Variants in ANKRD44 observed in about 807,000 individuals in gnomAD.
ANKRD44 encodes the protein serine/threonine-protein phosphatase 6 regulatory ankyrin repeat subunit B.
A neutral mutation model predicts 116.0 loss-of-function variants in ANKRD44; 35 were observed. The ratio of observed to expected loss-of-function variants is 0.30; its 90% CI spans 0.23 to 0.40. The LOEUF is 0.40. Ranked by LOEUF, ANKRD44 falls within the 10% of genes least tolerant of loss-of-function variation. The pLI is 1.00. For synonymous variants in ANKRD44, 435 were observed against 461.8 expected (o/e 0.94, Z 0.74); for missense variants, 1,014 against 1,242.6 (o/e 0.82, Z 2.77).
chr2:197,186,150 GA>G (rs2080652540), intron 2 of ANKRD44, among the ~76,000 whole-genome samples: 1 of 152,098 alleles, frequency 6.6e-6, no homozygotes, highest in Non-Finnish European at 1.5e-5. Context: ...GAGGCCTGCA[GA>G]AAAAAATGTA....
intron 2 of ANKRD44, among the ~76,000 whole-genome samples, chr2:197,150,540 C>T (rs912968125): frequency 6.6e-6 from 1 of 151,842 alleles, no homozygotes; most frequent in Non-Finnish European, 1.5e-5. Flanking sequence ...CAGAGCGAGA[C>T]TCCATCTCAA....
intron 1 of ANKRD44, among the ~76,000 whole-genome samples, chr2:197,218,911 C>A (rs1415810915): frequency 6.6e-6 from 1 of 151,310 alleles, no homozygotes; most frequent in East Asian, 1.9e-4. Context: ...AGGCACCCAC[C>A]ACCACGCCCA....
At chr2:197,008,169 T>C (rs1484737949) in intron 19 of ANKRD44, among the ~76,000 whole-genome samples, 1 of 152,186 alleles carries the variant, frequency 6.6e-6, no homozygotes, top group African/African-American at 2.4e-5. Context: ...AAGCTTCCTT[T>C]TCAAAATATT....
In ANKRD44 at chr2:197,026,963, C is replaced by A. The variant is rs74717556; in HGVS notation, c.1651-1696G>T. 4.4e-3 allele frequency among the ~76,000 whole-genome samples: 674 copies of A among 151,942 alleles called. 6 individuals carry two copies. The highest frequency in any genetic ancestry group is 0.016 in the African/African-American group (650 of 41,442). On this transcript the variant is annotated intron_variant, in intron 16 of 27. Transcript: ENST00000282272. Reference sequence around the variant, plus strand: ...CTAAGCAAACGGAAACATGAAGGTACCATGACCTGAGATGAAGAAGGCTGT... The same window carrying A: ...CTAAGCAAACGGAAACATGAAGGTAACATGACCTGAGATGAAGAAGGCTGT...
chr2:197,023,911 A>T (rs2076543221), intron 17 of ANKRD44, among the ~76,000 whole-genome samples: 1 of 152,202 alleles, frequency 6.6e-6, no homozygotes, highest in Non-Finnish European at 1.5e-5. Flanking sequence ...ACACAGACTG[A>T]TGCACACTTT....
intron 1 of ANKRD44, among the ~76,000 whole-genome samples, chr2:197,199,897 C>T (rs1031749421): frequency 6.6e-6 from 1 of 152,154 alleles, no homozygotes; most frequent in African/African-American, 2.4e-5. Flanking sequence ...TATTCCCCTT[C>T]GAATGGGCAT....
chr2:197,062,216 G>T (rs1223539348), intron 16 of ANKRD44, among the ~76,000 whole-genome samples: 1 of 152,170 alleles, frequency 6.6e-6, no homozygotes, highest in African/African-American at 2.4e-5. Context: ...TTGTCCTAAT[G>T]GTCTGCCAGG....
intron 2 of ANKRD44, among the ~76,000 whole-genome samples, chr2:197,152,549 G>A (rs1402718092): frequency 6.6e-6 from 1 of 152,174 alleles, no homozygotes; most frequent in African/African-American, 2.4e-5. Context: ...AGGGGTCTGA[G>A]CTAAATTTGC....
intron 21 of ANKRD44, among the ~76,000 whole-genome samples, chr2:196,969,806 T>A (rs368242802): frequency 6.6e-6 from 1 of 152,200 alleles, no homozygotes; most frequent in South Asian, 2.1e-4. Context: ...TTAATAGTGT[T>A]CAGAACCAGC....
intron 1 of ANKRD44, among the ~76,000 whole-genome samples, chr2:197,287,164 G>C (rs1296967308): frequency 6.6e-6 from 1 of 152,164 alleles, no homozygotes; most frequent in African/African-American, 2.4e-5. Context: ...TGGTGACAGT[G>C]GGAGAGGCTG....
chr2:197,275,322 C>T (rs1286280439), intron 1 of ANKRD44, among the ~76,000 whole-genome samples: 2 of 151,270 alleles, frequency 1.3e-5, no homozygotes, highest in Non-Finnish European at 2.9e-5. Context: ...ACTATGTTGC[C>T]CAGGCTGGTC....
At chr2:196,981,220 C>T (rs912114968) in intron 21 of ANKRD44, among the ~76,000 whole-genome samples, 6 of 152,230 alleles carry the variant, frequency 3.9e-5, no homozygotes, top group African/African-American at 1.4e-4. Flanking sequence ...CATGTTTTCA[C>T]TTTCTTCCTT....
intron 6 of ANKRD44, among the ~76,000 whole-genome samples, chr2:197,125,009 A>G (rs1376771930): frequency 6.6e-6 from 1 of 152,230 alleles, no homozygotes; most frequent in African/African-American, 2.4e-5. Flanking sequence ...AAATTTAAAA[A>G]GACGAATGGA....
chr2:197,305,618 A>G (rs7582736), intron 1 of ANKRD44, among the ~76,000 whole-genome samples: 44,509 of 151,998 alleles, frequency 0.29, 7,618 homozygotes, highest in East Asian at 0.47. Context: ...AAAGAAAGAA[A>G]GAAAGAAAAG....
chr2:197,016,264 G>A (rs1432789942), intron 17 of ANKRD44, among the ~76,000 whole-genome samples: 1 of 152,130 alleles, frequency 6.6e-6, no homozygotes, highest in African/African-American at 2.4e-5. Flanking sequence ...CCATTTAGAT[G>A]TACATTCCTG....
Position 197,000,506 on chromosome 2 carries a change from A to T in ANKRD44, c.2436-4T>A. ...ACAATTCCCATGATCATTGATTCTA[A>T]AATGAAAATGGGTTTTAATGTAACA... On this transcript the variant is annotated splice_polypyrimidine_tract_variant and splice_region_variant and intron_variant, in intron 22 of 27. Coordinates refer to ENST00000282272, the MANE Select transcript of ANKRD44 (RefSeq NM_001195144.2). 1 of 1,612,480 alleles carries T rather than the reference A, an allele frequency of 6.2e-7. No individual in the cohort carries two copies. The highest frequency in any genetic ancestry group is 2.2e-5 in the East Asian group (1 of 44,856).
At chr2:197,019,273 G>A (rs757689055) in intron 17 of ANKRD44, among the ~76,000 whole-genome samples, 1 of 152,150 alleles carries the variant, frequency 6.6e-6, no homozygotes, top group Non-Finnish European at 1.5e-5. Context: ...ACAGGAGAAT[G>A]CATTTCTAAA....
chr2:197,017,130 G>T (rs2076407331), intron 17 of ANKRD44, among the ~76,000 whole-genome samples: 1 of 152,216 alleles, frequency 6.6e-6, no homozygotes, highest in Non-Finnish European at 1.5e-5. Flanking sequence ...CTCTGTTGGT[G>T]AGAGTATAGA....
chr2:197,012,259 A>G (rs1220092190), intron 18 of ANKRD44, among the ~76,000 whole-genome samples: 1 of 152,160 alleles, frequency 6.6e-6, no homozygotes. Flanking sequence ...ACCACAACCC[A>G]TATCACACTG....
Sources: gnomAD v4.1 joint callset for allele counts (sites outside exome capture counted in the v4.1 genomes callset) on GRCh38, gnomAD v4.1.1 for gene constraint, MANE v1.5 for transcripts, NCBI Gene and HGNC (gene_info 2026-07-23, HGNC 2026-07-21) for gene names.